KLRG1: variants seen among roughly 807,000 people sequenced by gnomAD.
The protein encoded by KLRG1 is killer cell lectin like receptor G1.
Under a neutral mutation model 21.8 loss-of-function variants are expected in KLRG1, and 16 were observed. The ratio of observed to expected loss-of-function variants is 0.73; its 90% CI spans 0.50 to 1.11. KLRG1 has a LOEUF of 1.11. KLRG1 is among the 50% of genes most tolerant of loss of function. KLRG1 has a pLI of 0.00. For missense variants in KLRG1, 173 were observed against 218.3 expected (o/e 0.79, Z 1.31); for synonymous variants, 69 against 75.9 (o/e 0.91, Z 0.47).
chr12:8,954,434 T>A (rs202142993), intron 1 of KLRG1, among the ~76,000 whole-genome samples: 1 of 143,096 alleles, frequency 7.0e-6, no homozygotes, highest in African/African-American at 2.5e-5. Flanking sequence ...AAAAAAAAAA[T>A]AACTACATGA....
chr12:9,034,286 A>ACATTACT, the KLRG1 span, among the ~76,000 whole-genome samples: 197 of 152,254 alleles, frequency 1.3e-3, 2 homozygotes, highest in African/African-American at 4.5e-3. Flanking sequence ...ACAGCACAAC[A>ACATTACT]CATTACTCAT....
the KLRG1 span, among the ~76,000 whole-genome samples, chr12:9,073,048 T>C: frequency 3.3e-5 from 5 of 152,242 alleles, no homozygotes; most frequent in South Asian, 6.2e-4. Flanking sequence ...AACCATAACA[T>C]TCACATATCT....
At chr12:9,066,503 A>T in the KLRG1 span, 1 of 151,982 alleles carries the variant, frequency 6.6e-6, no homozygotes. Context: ...TTGCTCACAC[A>T]CCCCTAGCAC....
At chr12:9,126,714 G>A in the KLRG1 span, among the ~76,000 whole-genome samples, 2 of 152,114 alleles carry the variant, frequency 1.3e-5, no homozygotes, top group South Asian at 2.1e-4. Flanking sequence ...TCTCCACCAT[G>A]GAATACAATG....
At chr12:8,956,353 T>G (rs1299018614) in intron 1 of KLRG1, among the ~76,000 whole-genome samples, 1 of 152,202 alleles carries the variant, frequency 6.6e-6, no homozygotes, top group South Asian at 2.1e-4. Context: ...ATGAATGAAC[T>G]GTAACACAAA....
chr12:9,063,483 T>C, the KLRG1 span, among the ~76,000 whole-genome samples: 1 of 152,230 alleles, frequency 6.6e-6, no homozygotes, highest in Non-Finnish European at 1.5e-5. Context: ...ATCTATATGC[T>C]TTCCTGGAAA....
intron 3 of KLRG1, among the ~76,000 whole-genome samples, chr12:9,003,686 G>T (rs1390544582): frequency 6.8e-6 from 1 of 148,098 alleles, no homozygotes; most frequent in Non-Finnish European, 1.5e-5. Context: ...TGTTCAGAGG[G>T]TTTTTTTTTT....
the KLRG1 span, among the ~76,000 whole-genome samples, chr12:9,061,414 C>A: frequency 6.6e-6 from 1 of 152,034 alleles, no homozygotes; most frequent in Admixed American, 6.5e-5. Flanking sequence ...TGTCAGCCAC[C>A]GCACCTGGCC....
chr12:9,126,733 T>C, the KLRG1 span, among the ~76,000 whole-genome samples: 1 of 152,202 alleles, frequency 6.6e-6, no homozygotes, highest in African/African-American at 2.4e-5. Context: ...TGGACTGCAA[T>C]CTGACTTTCA....
the KLRG1 span, among the ~76,000 whole-genome samples, chr12:9,078,384 T>C: frequency 6.6e-6 from 1 of 152,230 alleles, no homozygotes; most frequent in African/African-American, 2.4e-5. Context: ...TTCTTTTTAT[T>C]GCTGCATAGT....
At chr12:9,210,337 A>G in the KLRG1 span, among the ~76,000 whole-genome samples, 23 of 152,170 alleles carry the variant, frequency 1.5e-4, no homozygotes, top group Non-Finnish European at 3.2e-4. Flanking sequence ...TTTGAATTCT[A>G]CCATCAGTTT....
chr12:9,183,841 T>G, the KLRG1 span, among the ~76,000 whole-genome samples: 2 of 152,232 alleles, frequency 1.3e-5, no homozygotes, highest in Non-Finnish European at 2.9e-5. Context: ...CACTATGTGT[T>G]TATACTGCAA....
the KLRG1 span, chr12:9,150,821 T>C: frequency 1.2e-5 from 11 of 941,568 alleles, no homozygotes; most frequent in African/African-American, 1.8e-4. Flanking sequence ...CATATTCTTA[T>C]TGTTCTTTGA....
the KLRG1 span, chr12:9,182,183 C>T: frequency 4.6e-6 from 1 of 217,706 alleles, no homozygotes; most frequent in Non-Finnish European, 7.4e-6. Context: ...AAAATAGTGT[C>T]ATAAGGACAC....
the KLRG1 span, among the ~76,000 whole-genome samples, chr12:9,188,032 G>A: frequency 6.6e-6 from 1 of 152,318 alleles, no homozygotes; most frequent in African/African-American, 2.4e-5. Flanking sequence ...AAAATAGTCT[G>A]GCCAAACGTC....
chr12:9,076,708 C>G, the KLRG1 span: 1 of 1,606,050 alleles, frequency 6.2e-7, no homozygotes, highest in Non-Finnish European at 8.5e-7. Flanking sequence ...CCATGCAGTT[C>G]TTGATACAGA....
chr12:9,093,745 G>A, the KLRG1 span, among the ~76,000 whole-genome samples: 2 of 152,064 alleles, frequency 1.3e-5, no homozygotes, highest in East Asian at 3.9e-4. Context: ...TCTTTGAGGA[G>A]GAAATATGTT....
the KLRG1 span, among the ~76,000 whole-genome samples, chr12:9,059,996 C>CTTTTT: frequency 1.5e-4 from 11 of 75,556 alleles, no homozygotes; most frequent in African/African-American, 2.7e-4. Context: ...GCCCTGGCAT[C>CTTTTT]TTTTTTTTTT....
At chr12:8,953,124 C>T (rs1195678532) in intron 1 of KLRG1, among the ~76,000 whole-genome samples, 2 of 151,652 alleles carry the variant, frequency 1.3e-5, no homozygotes, top group African/African-American at 4.9e-5. Flanking sequence ...TCGGTGGTTC[C>T]TGAACTCTTG....
Sources: allele counts gnomAD v4.1 joint callset (sites outside exome capture counted in the v4.1 genomes callset), GRCh38; gene constraint gnomAD v4.1.1; transcripts MANE v1.5; gene names NCBI Gene and HGNC (gene_info 2026-07-23, HGNC 2026-07-21).